Variants in DDA1 observed in about 807,000 individuals in gnomAD.
The protein encoded by DDA1 is DET1- and DDB1-associated protein 1.
In DDA1, 3 loss-of-function variants were observed where a neutral mutation model predicts 18.6. The observed-to-expected ratio is 0.16, with a 90% CI of 0.07 to 0.42. The LOEUF (loss-of-function observed/expected upper bound fraction) is 0.42, where lower values mean the gene tolerates loss of function less well. DDA1 is among the 10% of genes least tolerant of loss of function. DDA1 has a pLI of 0.99. For synonymous variants in DDA1, 52 were observed against 54.0 expected (o/e 0.96, Z 0.17); for missense variants, 105 against 138.2 (o/e 0.76, Z 1.20).
intron 1 of DDA1, chr19:17,310,017 G>A: frequency 3.7e-6 from 1 of 268,964 alleles, no homozygotes; most frequent in Admixed American, 5.4e-5. Context: ...TTCAGTTCAG[G>A]AGAATTTGGG....
chr19:17,315,736 G>T, intron 3 of DDA1, 198 bp from the exon 4 acceptor site: 1 of 657,368 alleles, frequency 1.5e-6, no homozygotes, highest in Non-Finnish European at 2.7e-6. Flanking sequence ...CTTGCAGGGA[G>T]CCGGGACCCT....
chr19:17,313,920 A>G (rs1371632950), intron 1 of DDA1, 103 bp from the exon 2 acceptor site: 1 of 946,208 alleles, frequency 1.1e-6, no homozygotes, highest in Non-Finnish European at 1.7e-6. Context: ...CTTGAACTAC[A>G]AAGAATAGTG....
intron 3 of DDA1, among the ~76,000 whole-genome samples, chr19:17,315,298 A>G (rs59697881): frequency 2.2e-5 from 1 of 46,124 alleles, no homozygotes; most frequent in Non-Finnish European, 4.9e-5. Context: ...ATATATATAC[A>G]CACGTGTATA....
chr19:17,310,046 G>C, intron 1 of DDA1: 1 of 239,710 alleles, frequency 4.2e-6, no homozygotes, highest in Non-Finnish European at 8.0e-6. Flanking sequence ...CTGGGCCCCG[G>C]GGCGGGGGAG....
intron 1 of DDA1, 62 bp from the exon 2 acceptor site, chr19:17,313,961 G>A: frequency 7.4e-7 from 1 of 1,350,650 alleles, no homozygotes; most frequent in South Asian, 1.2e-5. Context: ...CACCCTGCAG[G>A]TGCTCCAGGG....
chr19:17,318,829 C>A (rs2074226104), intron 4 of DDA1, among the ~76,000 whole-genome samples: 1 of 151,406 alleles, frequency 6.6e-6, no homozygotes, highest in Non-Finnish European at 1.5e-5. Context: ...CCGCGCCTGG[C>A]AAGTTTGTTT....
chr19:17,314,517 TGTCTACTGAATCCAGTTAA>T lies in DDA1; in HGVS notation c.136+132_136+150del, dbSNP rs1275750590. The T allele has an allele frequency of 7.9e-7, 1 of 1,271,062 alleles. No homozygotes were observed. Among genetic ancestry groups the T allele is most frequent in the African/African-American group, 1.5e-5 (1 of 67,890 alleles). The allele number at this position is 1,271,062 out of a possible 1,614,324, so 78.7% of individuals were successfully genotyped here. A position where few individuals can be genotyped will look rare whatever the true frequency, so the allele number is the denominator to read the frequency against. ...ATAGACTTGGCTTGGGTTCACACGC[TGTCTACTGAATCCAGTTAA>T]GTCAGGGAGGGCCTCCAGGGAGGTA... On this transcript the variant is annotated intron_variant, in intron 3 of 4. Coordinates refer to ENST00000359866, the MANE Select transcript of DDA1 (RefSeq NM_024050.6). This position sits in a 1 kb window ranked among gnomAD's most constrained non-coding sequence, Gnocchi z 4.6.
At chr19:17,315,251 ACACG>A (rs1568353881) in intron 3 of DDA1, among the ~76,000 whole-genome samples, 3 of 81,906 alleles carry the variant, frequency 3.7e-5, no homozygotes, top group African/African-American at 5.8e-5. Flanking sequence ...GTATATACAC[ACACG>A]TGTATATACA....
At chr19:17,311,350 T>G (rs2074178100) in intron 1 of DDA1, among the ~76,000 whole-genome samples, 1 of 151,406 alleles carries the variant, frequency 6.6e-6, no homozygotes, top group Non-Finnish European at 1.5e-5. Context: ...AGAGACAGGT[T>G]TTCACCATAT....
At position 17,321,060 on chromosome 19, in the gene DDA1, C is replaced by T. The variant is rs1480940959; in HGVS notation, c.*1404C>T. 6.6e-6 allele frequency: 1 copy of T among 152,006 alleles called. No individual in the cohort carries two copies. Among genetic ancestry groups the T allele is most frequent in the Non-Finnish European group, 1.5e-5 (1 of 68,058 alleles). 9.4% of individuals were successfully genotyped at this position (152,006 alleles called of 1,614,324 possible). A position where few individuals can be genotyped will look rare whatever the true frequency, so the allele number is the denominator to read the frequency against. On this transcript the variant is annotated 3_prime_UTR_variant, in exon 5 of 5. Transcript: ENST00000359866. ...GCGTAATCACAGCTCACTGCAGCCT[C>T]GACCTCAAGCCTTCCTCCCACCTCA...
At chr19:17,315,409 C>G (rs1299409605) in intron 3 of DDA1, among the ~76,000 whole-genome samples, 1 of 43,516 alleles carries the variant, frequency 2.3e-5, no homozygotes, top group Non-Finnish European at 4.9e-5. Context: ...TATATACATA[C>G]GTGTGTGTGT....
At chr19:17,313,010 C>T (rs986849083) in intron 1 of DDA1, among the ~76,000 whole-genome samples, 1 of 152,142 alleles carries the variant, frequency 6.6e-6, no homozygotes, top group Admixed American at 6.5e-5. Context: ...ATTGGGGACA[C>T]TGCTGTTCCT....
rs149469579 is a variant in DDA1 at position 17,314,618 on chromosome 19, C to T, written c.136+229C>T. ...GGATGCACACGTGGATGCCTGTCCACTCCCAGCCCCTGGGGACAGCCAGAA... is the reference window on the plus strand; with the variant it reads ...GGATGCACACGTGGATGCCTGTCCATTCCCAGCCCCTGGGGACAGCCAGAA... On this transcript the variant is annotated intron_variant, in intron 3 of 4. Coordinates refer to ENST00000359866, the MANE Select transcript of DDA1 (RefSeq NM_024050.6). The surrounding 1 kb of genome is among the most constrained non-coding windows in gnomAD (Gnocchi z 4.6). 14 of 569,616 alleles carry T rather than the reference C, an allele frequency of 2.5e-5. 1 individual carries two copies. The South Asian group carries it at 2.9e-4, about 12-fold the overall frequency. 35.3% of individuals were successfully genotyped at this position (569,616 alleles called of 1,614,324 possible).
intron 3 of DDA1, among the ~76,000 whole-genome samples, chr19:17,315,164 C>CAT (rs61078182): frequency 1.5e-5 from 1 of 68,456 alleles, no homozygotes; most frequent in Non-Finnish European, 2.8e-5. Flanking sequence ...TATATACACA[C>CAT]GTGTATATAC....
chr19:17,315,022 A>G (rs2074195689), intron 3 of DDA1, among the ~76,000 whole-genome samples: 1 of 151,552 alleles, frequency 6.6e-6, no homozygotes, highest in African/African-American at 2.4e-5. Flanking sequence ...GGATTGCTTG[A>G]GGCCAGGAGT....
chr19:17,315,285 A>C (rs57534282), intron 3 of DDA1, among the ~76,000 whole-genome samples: 1 of 41,386 alleles, frequency 2.4e-5, no homozygotes, highest in Non-Finnish European at 5.2e-5. Flanking sequence ...ATATACACAC[A>C]CTATATATAT....
In DDA1 at chr19:17,319,888, G is replaced by A. The variant is rs2074231622; in HGVS notation, c.*232G>A. ...AAGGGGACATCAGACCCAGTAGTGT[G>A]ATGTTGGTAGATGCTTTTTAAAAAA... is the stretch of plus-strand genomic sequence containing the variant. On this transcript the variant is annotated 3_prime_UTR_variant, in exon 5 of 5. Coordinates refer to ENST00000359866, the MANE Select transcript of DDA1 (RefSeq NM_024050.6). 5.7e-5 allele frequency: 27 copies of A among 476,672 alleles called. No homozygotes were observed. In the South Asian group the frequency reaches 7.4e-4, roughly 13 times the overall value. 29.5% of individuals were successfully genotyped at this position (476,672 alleles called of 1,614,324 possible).
Position 17,319,599 on chromosome 19 carries a change from C to A in DDA1, c.252C>A (p.Ser84=). 7 of 1,579,840 alleles carry A rather than the reference C, an allele frequency of 4.4e-6. No homozygotes were observed. The highest frequency in any genetic ancestry group is 6.0e-6 in the Non-Finnish European group (7 of 1,162,942). The change falls in exon 5 of 5, where the codon TCC becomes TCA. Residue 84 remains serine (S), a synonymous_variant. Coordinates refer to ENST00000359866, the MANE Select transcript of DDA1 (RefSeq NM_024050.6). The part of the protein sequence containing the change: ...QEQVELEGES[S]APPRKVARTD... ...AAGTGGAGCTGGAAGGCGAGAGCTC[C>A]GCACCTCCCCGCAAGGTGGCGCGGA...
chr19:17,315,270 CGTG>C (rs2074203234), intron 3 of DDA1, among the ~76,000 whole-genome samples: 1 of 66,752 alleles, frequency 1.5e-5, no homozygotes, highest in Non-Finnish European at 3.1e-5. Flanking sequence ...TATACACACA[CGTG>C]TATATACACA....
Sources: allele counts gnomAD v4.1 joint callset (sites outside exome capture counted in the v4.1 genomes callset), GRCh38; gene constraint gnomAD v4.1.1; non-coding constraint Gnocchi (gnomAD v3.1); transcripts MANE v1.5; gene names NCBI Gene and HGNC (gene_info 2026-07-23, HGNC 2026-07-21).